DCAF12: variants seen among roughly 807,000 people sequenced by gnomAD.
DCAF12 encodes DDB1- and CUL4-associated factor 12.
Under a neutral mutation model 52.8 loss-of-function variants are expected in DCAF12, and 28 were observed. The observed-to-expected ratio is 0.53, with a 90% CI of 0.39 to 0.73. The LOEUF (loss-of-function observed/expected upper bound fraction) is 0.73. Among genes scored for constraint, DCAF12 ranks in the 30% least tolerant of loss-of-function variants. The probability of loss-of-function intolerance (pLI) is 0.00; values close to 1 mark genes in which losing one functional copy is unlikely to be tolerated. For synonymous variants in DCAF12, 196 were observed against 215.5 expected (o/e 0.91, Z 0.79); for missense variants, 425 against 552.2 (o/e 0.77, Z 2.31).
chr9:34,091,585 C>T (rs375304252), intron 7 of DCAF12, among the ~76,000 whole-genome samples: 2 of 131,336 alleles, frequency 1.5e-5, no homozygotes, highest in South Asian at 2.6e-4. Context: ...CTGCAGTGAA[C>T]TGAGATTGCA....
At chr9:34,091,639 C>CAAAAAAAAAAAAAA (rs34922785) in intron 7 of DCAF12, among the ~76,000 whole-genome samples, 1 of 80,502 alleles carries the variant, frequency 1.2e-5, no homozygotes, top group Non-Finnish European at 2.2e-5. Flanking sequence ...ACCCTGTCTT[C>CAAAAAAAAAAAAAA]AAAAAAAAAA....
intron 4 of DCAF12, among the ~76,000 whole-genome samples, chr9:34,103,500 G>A (rs926450026): frequency 5.3e-5 from 8 of 151,912 alleles, no homozygotes; most frequent in African/African-American, 9.7e-5. Context: ...TTGTTTATTC[G>A]GAACACTCAG....
At chr9:34,098,851 C>G (rs1345911602) in intron 4 of DCAF12, among the ~76,000 whole-genome samples, 1 of 151,946 alleles carries the variant, frequency 6.6e-6, no homozygotes, top group Non-Finnish European at 1.5e-5. Context: ...TCACTGCAAC[C>G]TCCATCTCCT....
chr9:34,112,506 AT>A (rs774084701), intron 2 of DCAF12, among the ~76,000 whole-genome samples: 4 of 151,910 alleles, frequency 2.6e-5, no homozygotes, highest in Middle Eastern at 3.4e-3. Context: ...AGGCAGGAGA[AT>A]TGCTTGGACC....
rs1828774977 is a variant in DCAF12 at position 34,098,488 on chromosome 9, C to T, written c.631G>A (p.Glu211Lys). The T allele has an allele frequency of 6.2e-7, 1 of 1,613,978 alleles. No homozygotes were observed. The highest frequency in any genetic ancestry group is 1.1e-5 in the South Asian group (1 of 91,044). The change falls in exon 5 of 9, where the codon GAG becomes AAG. Residue 211 changes from glutamate (E) to lysine (K), a missense_variant. By Grantham distance (56) the Glu-to-Lys change is moderately conservative (BLOSUM62 1). This residue lies in a region of DCAF12 where 328 missense variants were observed against 444.4 expected (regional missense o/e 0.74). Transcript: ENST00000361264. Reference sequence around the variant, plus strand: ...TTGGTCAAAACATCATCTGTCACCTCCCAGAGTCCCATAGAACCATCACGT... The same window carrying T: ...TTGGTCAAAACATCATCTGTCACCTTCCAGAGTCCCATAGAACCATCACGT... ...GSRDGSMGLW[E>K]VTDDVLTKSD...
At chr9:34,123,223 C>G (rs903048029) in intron 2 of DCAF12, among the ~76,000 whole-genome samples, 4 of 152,184 alleles carry the variant, frequency 2.6e-5, no homozygotes, top group African/African-American at 9.7e-5. Flanking sequence ...AACATAATCT[C>G]TCCCACCTCT....
At chr9:34,119,464 T>A (rs1829138483) in intron 2 of DCAF12, among the ~76,000 whole-genome samples, 1 of 152,222 alleles carries the variant, frequency 6.6e-6, no homozygotes, top group Non-Finnish European at 1.5e-5. Flanking sequence ...TCATTAAACG[T>A]ACTGAATTCT....
At chr9:34,106,408 A>G in intron 4 of DCAF12, 26 bp downstream of exon 4, 2 of 1,581,618 alleles carry the variant, frequency 1.3e-6, no homozygotes, top group South Asian at 1.1e-5. Context: ...CCACATCAAA[A>G]GCTCCCTATA....
At position 34,093,653 on chromosome 9, in the gene DCAF12, C is replaced by A. The variant is rs546374737; in HGVS notation, c.862-205G>T. On this transcript the variant is annotated intron_variant, in intron 6 of 8. Transcript: ENST00000361264. ...GTTAATAAACGGTAAGACCTAGATA[C>A]TGAAGGAGATAGGTTGGGGAAAAGG... is the stretch of plus-strand genomic sequence containing the variant. 3.9e-5 allele frequency: 21 copies of A among 536,602 alleles called. No homozygotes were observed. The South Asian group carries it at 5.1e-4, about 13-fold the overall frequency. The allele number at this position is 536,602 out of a possible 1,614,324, so 33.2% of individuals were successfully genotyped here. A position where few individuals can be genotyped will look rare whatever the true frequency, so the allele number is the denominator to read the frequency against.
At chr9:34,104,303 A>G (rs1828872442) in intron 4 of DCAF12, among the ~76,000 whole-genome samples, 1 of 152,104 alleles carries the variant, frequency 6.6e-6, no homozygotes, top group South Asian at 2.1e-4. Context: ...AGACACATCA[A>G]TTCAAAGTAG....
intron 8 of DCAF12, 37 bp from the exon 9 acceptor site, chr9:34,088,545 A>G (rs546466403): frequency 1.1e-5 from 17 of 1,612,846 alleles, no homozygotes; most frequent in East Asian, 2.2e-5. Context: ...TAGCACCTCT[A>G]GCCATGGGGC....
rs1564094996 is a variant in DCAF12, at chr9:34,096,686, G to C, written c.861+30C>G. ...ATTTTAACTGTAAGGTGAATTATTA[G>C]GTAAAACCACAAAATCATGTTCATC... On this transcript the variant is annotated intron_variant, in intron 6 of 8. Transcript: ENST00000361264. 4 of 1,596,754 alleles carry C rather than the reference G, an allele frequency of 2.5e-6. No homozygotes were observed. In the South Asian group the frequency reaches 4.4e-5, roughly 18 times the overall value.
chr9:34,102,579 G>C (rs1449189245), intron 4 of DCAF12, among the ~76,000 whole-genome samples: 1 of 151,204 alleles, frequency 6.6e-6, no homozygotes, highest in Non-Finnish European at 1.5e-5. Flanking sequence ...CTTGAACCCA[G>C]GAGACGGAGG....
At position 34,086,459 on chromosome 9, in the gene DCAF12, A is replaced by G. The variant is rs1396269581; in HGVS notation, c.*1891T>C. The G allele has an allele frequency of 6.6e-6, 1 of 152,152 alleles. No homozygotes were observed. The highest frequency in any genetic ancestry group is 2.4e-5 in the African/African-American group (1 of 41,442). The allele number at this position is 152,152 out of a possible 1,614,324, so 9.4% of individuals were successfully genotyped here. On this transcript the variant is annotated 3_prime_UTR_variant, in exon 9 of 9. Coordinates refer to ENST00000361264, the MANE Select transcript of DCAF12 (RefSeq NM_015397.4). ...TACATTTTTAAAAACAGAAAATCTC[A>G]AACAATCAAACGCATTACCCATTAC...
chr9:34,088,486 T>A lies in DCAF12; in HGVS notation c.1226A>T (p.Asn409Ile). 6.2e-7 allele frequency: 1 copy of A among 1,614,176 alleles called. No homozygotes were observed. The highest frequency in any genetic ancestry group is 8.5e-7 in the Non-Finnish European group (1 of 1,180,020). ...GWLNHDETWR[N>I]YFSDIDFFPN... The stretch of plus-strand genomic sequence containing the variant: ...GAAGAAGTCAATGTCTGAAAAGTAA[T>A]TCCTCCAGGTTTCATCATGATTCTA... Residue 409 changes from asparagine (N) to isoleucine (I), a missense_variant, in exon 9 of 9, where the codon AAT becomes ATT. Coordinates refer to ENST00000361264, the MANE Select transcript of DCAF12 (RefSeq NM_015397.4).
At chr9:34,088,643 G>T in intron 8 of DCAF12, 135 bp from the exon 9 acceptor site, 2 of 969,530 alleles carry the variant, frequency 2.1e-6, no homozygotes, top group Non-Finnish European at 3.1e-6. Flanking sequence ...TCAGGAGATT[G>T]GCTGGTTGGT....
Position 34,089,595 on chromosome 9 carries a change from A to G in DCAF12, c.1025-5T>C, listed in dbSNP as rs774492624. ...AGAAACTCACTGACCGGATTCCTGA[A>G]AGACAGAAAAGTAAAAGGCAGTGAG... On this transcript the variant is annotated splice_polypyrimidine_tract_variant and splice_region_variant and intron_variant, in intron 7 of 8. Transcript: ENST00000361264. 7 of 1,598,612 alleles carry G rather than the reference A, an allele frequency of 4.4e-6. No individual in the cohort carries two copies. In the South Asian group the frequency reaches 7.8e-5, roughly 18 times the overall value.
At chr9:34,107,281 A>G in intron 3 of DCAF12, 78 bp downstream of exon 3, 1 of 1,400,518 alleles carries the variant, frequency 7.1e-7, no homozygotes, top group South Asian at 1.2e-5. Flanking sequence ...TGGGCTGATG[A>G]GAGGAGGGTC....
intron 4 of DCAF12, among the ~76,000 whole-genome samples, chr9:34,105,755 C>CT (rs34136603): frequency 0.38 from 54,192 of 143,498 alleles, 10,477 homozygotes; most frequent in Non-Finnish European, 0.41. Flanking sequence ...TCTATCCATC[C>CT]TTTTTTTTTT....
Sources: gnomAD v4.1 joint callset for allele counts (sites outside exome capture counted in the v4.1 genomes callset) on GRCh38, gnomAD v4.1.1 for gene constraint, gnomAD v4.1.1 regional missense constraint, MANE v1.5 for transcripts, NCBI Gene and HGNC (gene_info 2026-07-23, HGNC 2026-07-21) for gene names.